Variants in TTLL11 observed in about 807,000 individuals in gnomAD.
TTLL11 encodes tubulin polyglutamylase TTLL11.
In TTLL11, 42 loss-of-function variants were observed where a neutral mutation model predicts 51.7. That is an observed-to-expected ratio of 0.81 (90% CI 0.64 to 1.05). TTLL11 has a LOEUF of 1.05. TTLL11 is among the 50% of genes least tolerant of loss of function. The pLI, the probability that TTLL11 is intolerant of heterozygous loss-of-function variation, is 0.00. For synonymous variants in TTLL11, 381 were observed against 383.5 expected (o/e 0.99, Z 0.08); for missense variants, 799 against 940.4 (o/e 0.85, Z 1.97).
intron 1 of TTLL11, among the ~76,000 whole-genome samples, chr9:122,063,563 C>T (rs1845492911): frequency 6.6e-6 from 1 of 152,170 alleles, no homozygotes; most frequent in South Asian, 2.1e-4. Flanking sequence ...TTAAGATCAC[C>T]TGTATTTCGT....
intron 3 of TTLL11, among the ~76,000 whole-genome samples, chr9:122,009,718 T>C (rs970961207): frequency 6.6e-6 from 1 of 151,858 alleles, no homozygotes; most frequent in African/African-American, 2.4e-5. Context: ...AAAATATATA[T>C]ATGACTTTGT....
chr9:121,873,249 G>C (rs1838421322), intron 6 of TTLL11, among the ~76,000 whole-genome samples: 1 of 152,172 alleles, frequency 6.6e-6, no homozygotes. Flanking sequence ...CTATGCCCCT[G>C]TTCCAGACGA....
rs1177271703 is a variant in TTLL11 at position 122,093,246 on chromosome 9, C to T, written c.-98G>A. 2.7e-6 allele frequency: 4 copies of T among 1,506,040 alleles called. No homozygotes were observed. Among genetic ancestry groups the T allele is most frequent in the Non-Finnish European group, 3.5e-6 (4 of 1,139,748 alleles). The allele number at this position is 1,506,040 out of a possible 1,614,324, so 93.3% of individuals were successfully genotyped here. A position where few individuals can be genotyped will look rare whatever the true frequency, so the allele number is the denominator to read the frequency against. ...CAAACTGCCGCCGCTGCAGCCGCTG[C>T]CACGCGTTCCCCGCCCGAGCCCGTT... On this transcript the variant is annotated 5_prime_UTR_variant, in exon 1 of 9. Coordinates refer to ENST00000321582, the MANE Select transcript of TTLL11 (RefSeq NM_001139442.2).
chr9:122,014,841 T>C (rs1009252458), intron 3 of TTLL11, among the ~76,000 whole-genome samples: 2 of 152,100 alleles, frequency 1.3e-5, no homozygotes, highest in Admixed American at 6.5e-5. Flanking sequence ...GTAGACCCTA[T>C]AAATGTCCAA....
intron 3 of TTLL11, among the ~76,000 whole-genome samples, chr9:122,024,067 A>G (rs1458917580): frequency 6.6e-6 from 1 of 152,162 alleles, no homozygotes; most frequent in Admixed American, 6.5e-5. Context: ...GAAGTACAAA[A>G]TAAGCTACTA....
At chr9:121,919,610 T>C (rs1840450443) in intron 6 of TTLL11, among the ~76,000 whole-genome samples, 1 of 152,068 alleles carries the variant, frequency 6.6e-6, no homozygotes, top group Non-Finnish European at 1.5e-5. Flanking sequence ...CCACAGATGT[T>C]GTAATATGGA....
At chr9:121,923,676 G>A (rs931544731) in intron 6 of TTLL11, among the ~76,000 whole-genome samples, 1 of 152,154 alleles carries the variant, frequency 6.6e-6, no homozygotes, top group Non-Finnish European at 1.5e-5. Flanking sequence ...TCTGCTCATA[G>A]AGGCTGACAG....
intron 1 of TTLL11, among the ~76,000 whole-genome samples, chr9:122,075,215 C>G (rs1845831362): frequency 6.6e-6 from 1 of 152,258 alleles, no homozygotes; most frequent in Middle Eastern, 3.4e-3. Context: ...AATATTCTTT[C>G]CTTGAGGAAT....
chr9:121,927,871 A>G (rs1350633839), intron 6 of TTLL11, among the ~76,000 whole-genome samples: 2 of 152,126 alleles, frequency 1.3e-5, no homozygotes, highest in East Asian at 3.9e-4. Context: ...AGGTGGAAAA[A>G]CCTAGTCATG....
chr9:121,944,116 T>C (rs1206662154), intron 6 of TTLL11, among the ~76,000 whole-genome samples: 6 of 152,172 alleles, frequency 3.9e-5, no homozygotes, highest in Non-Finnish European at 8.8e-5. Context: ...AAAAATAGCA[T>C]AGGAAGGCTG....
At chr9:121,826,346 TA>T (rs1316487899) in intron 8 of TTLL11, among the ~76,000 whole-genome samples, 12 of 126,412 alleles carry the variant, frequency 9.5e-5, no homozygotes, top group African/African-American at 3.3e-4. Flanking sequence ...ATATATGGGT[TA>T]TATATATGGT....
intron 3 of TTLL11, among the ~76,000 whole-genome samples, chr9:122,029,418 T>G (rs923882051): frequency 3.3e-5 from 5 of 152,102 alleles, no homozygotes; most frequent in African/African-American, 1.2e-4. Context: ...GAAGTGGAGG[T>G]GGAAGACAGT....
At chr9:121,987,547 G>C (rs1410926299) in intron 4 of TTLL11, among the ~76,000 whole-genome samples, 2 of 152,102 alleles carry the variant, frequency 1.3e-5, no homozygotes, top group Non-Finnish European at 2.9e-5. Flanking sequence ...CTCTGGCCCT[G>C]GCTCCATCGC....
intron 1 of TTLL11, among the ~76,000 whole-genome samples, chr9:122,088,413 C>T (rs1048609510): frequency 6.6e-6 from 1 of 152,198 alleles, no homozygotes; most frequent in Non-Finnish European, 1.5e-5. Context: ...CGACCTCCAG[C>T]CCAGTGTTTA....
intron 4 of TTLL11, among the ~76,000 whole-genome samples, chr9:121,985,641 C>T (rs554005633): frequency 6.6e-6 from 1 of 151,568 alleles, no homozygotes; most frequent in Non-Finnish European, 1.5e-5. Flanking sequence ...CTCAGCCTCC[C>T]AAGTAGCTGG....
intron 3 of TTLL11, among the ~76,000 whole-genome samples, chr9:121,994,868 G>A: frequency 6.6e-6 from 1 of 152,336 alleles, no homozygotes; most frequent in East Asian, 1.9e-4. Context: ...TGAGGCTGCA[G>A]TGGAGTCAGA....
intron 6 of TTLL11, among the ~76,000 whole-genome samples, chr9:121,934,781 A>T (rs1841134755): frequency 6.6e-6 from 1 of 152,182 alleles, no homozygotes; most frequent in Non-Finnish European, 1.5e-5. Context: ...ATCATCCAGA[A>T]TATTAAAAAG....
rs1439513753 is a variant in TTLL11, at chr9:121,819,862, T to C, written c.*2725A>G. On this transcript the variant is annotated 3_prime_UTR_variant, in exon 9 of 9. Transcript: ENST00000321582. ...GGGTAAACACAGTGGTGCTTCTTAT[T>C]AGGAATGGAGGAGGCGGGGTGATTC... Among the ~76,000 whole-genome samples the C allele has an allele frequency of 6.6e-6, 1 of 152,152 alleles. No homozygotes were observed. Among genetic ancestry groups the C allele is most frequent in the Non-Finnish European group, 1.5e-5 (1 of 68,024 alleles).
chr9:121,954,624 T>C (rs754038700), intron 6 of TTLL11, among the ~76,000 whole-genome samples: 1 of 151,918 alleles, frequency 6.6e-6, no homozygotes, highest in Non-Finnish European at 1.5e-5. Flanking sequence ...AGAAGCTAGA[T>C]GGTGAGAGAC....
Sources: gnomAD v4.1 joint callset for allele counts (sites outside exome capture counted in the v4.1 genomes callset) on GRCh38, gnomAD v4.1.1 for gene constraint, MANE v1.5 for transcripts, NCBI Gene and HGNC (gene_info 2026-07-23, HGNC 2026-07-21) for gene names.